The following NPAS3 variants were observed in gnomAD, a reference collection of about 807,000 sequenced individuals.
NPAS3 encodes neuronal PAS domain protein 3.
Under a neutral mutation model 73.1 loss-of-function variants are expected in NPAS3, and 14 were observed. The ratio of observed to expected loss-of-function variants is 0.19; its 90% CI spans 0.13 to 0.30. The LOEUF (loss-of-function observed/expected upper bound fraction) is 0.30. Among genes scored for constraint, NPAS3 ranks in the 10% least tolerant of loss-of-function variants. The pLI, the probability that NPAS3 is intolerant of heterozygous loss-of-function variation, is 1.00. For synonymous variants in NPAS3, 620 were observed against 541.5 expected, an observed-to-expected ratio of 1.14 and a Z score of -2.01; for missense variants, 1,096 against 1,250.0, an observed-to-expected ratio of 0.88 and a Z score of 1.86.
intron 1 of NPAS3, among the ~76,000 whole-genome samples, chr14:33,025,620 C>T (rs1237227208): frequency 2.0e-5 from 3 of 152,156 alleles, no homozygotes; most frequent in Non-Finnish European, 4.4e-5. Flanking sequence ...GGGGAGGGAT[C>T]TGGTGGGAGG....
At chr14:33,505,383 C>T (rs1235349020) in intron 4 of NPAS3, among the ~76,000 whole-genome samples, 1 of 151,976 alleles carries the variant, frequency 6.6e-6, no homozygotes, top group African/African-American at 2.4e-5. Flanking sequence ...CCAACTTTAG[C>T]AATTTCTGTT....
At chr14:33,521,174 A>T (rs568390560) in intron 4 of NPAS3, among the ~76,000 whole-genome samples, 10 of 152,210 alleles carry the variant, frequency 6.6e-5, no homozygotes, top group Admixed American at 6.5e-4. Flanking sequence ...TATTCTAGGG[A>T]GATCTGCAGG....
rs1555313400 is a variant in NPAS3 at position 32,975,308 on chromosome 14, G to GTCACTCCCTGCCTCCGTCACTCCCTT, written c.50+35942_50+35943insTCACTCCCTGCCTCCGTCACTCCCTT. Among the ~76,000 whole-genome samples, 34 of 104,094 alleles carry GTCACTCCCTGCCTCCGTCACTCCCTT rather than the reference G, an allele frequency of 3.3e-4. 1 individual carries two copies. The highest frequency in any genetic ancestry group is 2.2e-3 in the South Asian group (8 of 3,594). The allele number at this position is 104,094 out of a possible 152,430, so 68.3% of individuals were successfully genotyped here. A position where few individuals can be genotyped will look rare whatever the true frequency, so the allele number is the denominator to read the frequency against. Reference sequence around the variant, plus strand: ...CTATTCCTTCCCTCCCTCCCTCCCTGCCTCCGTCACTCCCTGCCTCCTTCC... The same window carrying GTCACTCCCTGCCTCCGTCACTCCCTT: ...CTATTCCTTCCCTCCCTCCCTCCCTGTCACTCCCTGCCTCCGTCACTCCCTTCCTCCGTCACTCCCTGCCTCCTTCC... On this transcript the variant is annotated intron_variant, in intron 1 of 11. Transcript: ENST00000356141.
intron 7 of NPAS3, among the ~76,000 whole-genome samples, chr14:33,772,665 C>T (rs915046859): frequency 6.6e-6 from 1 of 152,126 alleles, no homozygotes; most frequent in Non-Finnish European, 1.5e-5. Flanking sequence ...GGAGGACCAG[C>T]GACTGTTAAC....
chr14:33,420,888 G>A (rs1350124557), intron 4 of NPAS3, among the ~76,000 whole-genome samples: 1 of 151,886 alleles, frequency 6.6e-6, no homozygotes, highest in Admixed American at 6.6e-5. Context: ...TCTATTTGAT[G>A]TAAATGCTGC....
chr14:33,353,438 A>G (rs2045175571), intron 3 of NPAS3, among the ~76,000 whole-genome samples: 1 of 152,206 alleles, frequency 6.6e-6, no homozygotes, highest in African/African-American at 2.4e-5. Context: ...TAACTCCTCT[A>G]TTTATGACAT....
At chr14:33,527,456 C>A (rs543109318) in intron 4 of NPAS3, among the ~76,000 whole-genome samples, 1 of 152,138 alleles carries the variant, frequency 6.6e-6, no homozygotes, top group East Asian at 1.9e-4. Flanking sequence ...CTCTGTTTCT[C>A]AGAGATGTAG....
chr14:33,001,696 C>A (rs1959168), intron 1 of NPAS3, among the ~76,000 whole-genome samples: 19,198 of 152,200 alleles, frequency 0.13, 2,434 homozygotes, highest in African/African-American at 0.33. Context: ...TCTGCACACA[C>A]TCTTGATAGT....
chr14:33,786,288 C>G (rs1405544251), intron 9 of NPAS3, among the ~76,000 whole-genome samples: 2 of 152,160 alleles, frequency 1.3e-5, no homozygotes, highest in Non-Finnish European at 1.5e-5. Flanking sequence ...ATCTACATAA[C>G]AGATGAACAA....
At chr14:33,047,944 G>A (rs1026647955) in intron 1 of NPAS3, among the ~76,000 whole-genome samples, 2 of 152,122 alleles carry the variant, frequency 1.3e-5, no homozygotes, top group African/African-American at 2.4e-5. Context: ...AACAAAAAAG[G>A]TTTATGAAAT....
chr14:33,797,725 T>G, intron 11 of NPAS3, 144 bp downstream of exon 11: 1 of 772,474 alleles, frequency 1.3e-6, no homozygotes, highest in Non-Finnish European at 2.1e-6. Flanking sequence ...TATTACTGAG[T>G]GTCTGCCTCT....
At chr14:33,552,768 G>A (rs1257816962) in intron 4 of NPAS3, among the ~76,000 whole-genome samples, 1 of 151,934 alleles carries the variant, frequency 6.6e-6, no homozygotes, top group Non-Finnish European at 1.5e-5. Flanking sequence ...ACATTTTTAG[G>A]CCATTCAGGA....
chr14:33,212,443 G>T (rs1368121931), intron 2 of NPAS3, among the ~76,000 whole-genome samples: 5 of 131,608 alleles, frequency 3.8e-5, no homozygotes, highest in Non-Finnish European at 8.0e-5. Flanking sequence ...ACAAGGTAGA[G>T]AAAAGAAAAC....
At chr14:33,167,566 C>G (rs1382966794) in intron 2 of NPAS3, among the ~76,000 whole-genome samples, 1 of 152,140 alleles carries the variant, frequency 6.6e-6, no homozygotes, top group African/African-American at 2.4e-5. Flanking sequence ...TTGAGTATTA[C>G]ACTATTATTT....
At chr14:32,934,847 T>A (rs2035646108), upstream of NPAS3, 1 of 521,772 alleles carries the variant, frequency 1.9e-6, no homozygotes, top group Non-Finnish European at 2.5e-6. The surrounding 1 kb of genome is among the most constrained non-coding windows in gnomAD (Gnocchi z 4.1). Context: ...GCCGCGGCGA[T>A]GATCCGAATC....
intron 1 of NPAS3, among the ~76,000 whole-genome samples, chr14:33,013,308 G>T (rs1171163276): frequency 6.6e-6 from 1 of 151,940 alleles, no homozygotes; most frequent in East Asian, 1.9e-4. Flanking sequence ...CTCTTATAAA[G>T]GTTTTAAAAT....
chr14:33,065,734 A>G (rs2041255179), intron 2 of NPAS3, among the ~76,000 whole-genome samples: 1 of 151,884 alleles, frequency 6.6e-6, no homozygotes, highest in African/African-American at 2.4e-5. Context: ...TGTGTTACCA[A>G]TGAGAAGAGG....
intron 2 of NPAS3, among the ~76,000 whole-genome samples, chr14:33,097,880 T>C (rs1319117775): frequency 1.3e-5 from 2 of 152,244 alleles, no homozygotes; most frequent in South Asian, 4.1e-4. Flanking sequence ...GACTTACAGT[T>C]CTGCAAATAT....
At chr14:33,167,212 C>T (rs1023750076) in intron 2 of NPAS3, among the ~76,000 whole-genome samples, 1 of 152,136 alleles carries the variant, frequency 6.6e-6, no homozygotes, top group African/African-American at 2.4e-5. Context: ...GTTGACTCTA[C>T]CACACAGATT....
Sources: allele counts gnomAD v4.1 joint callset (sites outside exome capture counted in the v4.1 genomes callset), GRCh38; gene constraint gnomAD v4.1.1; non-coding constraint Gnocchi (gnomAD v3.1); transcripts MANE v1.5; gene names NCBI Gene and HGNC (gene_info 2026-07-23, HGNC 2026-07-21).